The following SMARCAD1 variants were observed in gnomAD, a reference collection of about 807,000 sequenced individuals.
SMARCAD1 encodes the protein SNF2 related chromatin remodeling ATPase with DExD box 1, also known as SWI/SNF-related matrix-associated actin-dependent regulator of chromatin subfamily A containing DEAD/H box 1.
SMARCAD1 carries 25 observed loss-of-function variants against 127.1 expected under a neutral mutation model. The observed-to-expected ratio is 0.20, with a 90% CI of 0.14 to 0.27. SMARCAD1 has a LOEUF of 0.27. Among genes scored for constraint, SMARCAD1 ranks in the 10% least tolerant of loss-of-function variants. The pLI, the probability that SMARCAD1 is intolerant of heterozygous loss-of-function variation, is 1.00. For synonymous variants in SMARCAD1, 400 were observed against 396.9 expected, an observed-to-expected ratio of 1.01 and a Z score of -0.09; for missense variants, 807 against 1,206.0, an observed-to-expected ratio of 0.67 and a Z score of 4.90.
chr4:94,267,052 A>G (rs1314602406), intron 10 of SMARCAD1, among the ~76,000 whole-genome samples: 1 of 148,028 alleles, frequency 6.8e-6, no homozygotes, highest in African/African-American at 2.5e-5. Flanking sequence ...CTAAAGCTTT[A>G]GTTAATTAAT....
intron 2 of SMARCAD1, among the ~76,000 whole-genome samples, chr4:94,220,380 T>C (rs1371691641): frequency 6.6e-6 from 1 of 152,170 alleles, no homozygotes; most frequent in Non-Finnish European, 1.5e-5. Flanking sequence ...CCCTAGTAGC[T>C]GGGACTACAG....
chr4:94,210,137 TC>T (rs1393907880), intron 2 of SMARCAD1, among the ~76,000 whole-genome samples: 2 of 152,236 alleles, frequency 1.3e-5, no homozygotes, highest in Non-Finnish European at 1.5e-5. Context: ...TGTTTTTATT[TC>T]TTTCTAATGA....
chr4:94,242,926 A>G (rs1418932791), intron 6 of SMARCAD1, among the ~76,000 whole-genome samples: 1 of 151,946 alleles, frequency 6.6e-6, no homozygotes, highest in African/African-American at 2.4e-5. Context: ...CAACATACAA[A>G]TGAAGTTTAA....
At chr4:94,216,273 G>A (rs951077839) in intron 2 of SMARCAD1, among the ~76,000 whole-genome samples, 1 of 151,990 alleles carries the variant, frequency 6.6e-6, no homozygotes, top group South Asian at 2.1e-4. Context: ...TCAACATACC[G>A]TTTTGGGGAG....
chr4:94,249,935 CTTGTT>C (rs1749029630), intron 7 of SMARCAD1, among the ~76,000 whole-genome samples, 180 bp downstream of exon 7: 1 of 151,342 alleles, frequency 6.6e-6, no homozygotes, highest in African/African-American at 2.4e-5. Context: ...GTTTATTTAC[CTTGTT>C]TACTATAGTA....
At chr4:94,225,753 T>A (rs1305788590) in intron 2 of SMARCAD1, among the ~76,000 whole-genome samples, 1 of 152,190 alleles carries the variant, frequency 6.6e-6, no homozygotes, top group East Asian at 1.9e-4. Context: ...AAATTAAGGC[T>A]TAGAGAAATT....
At chr4:94,262,808 TGTGTTTCCCA>T (rs1751193699) in intron 9 of SMARCAD1, among the ~76,000 whole-genome samples, 3 of 151,776 alleles carry the variant, frequency 2.0e-5, no homozygotes. Flanking sequence ...AATTGTTACT[TGTGTTTCCCA>T]ATGTTCGTAG....
At position 94,208,576 on chromosome 4, in the gene SMARCAD1, A is replaced by G. The variant is rs745419051; in HGVS notation, c.182A>G (p.Glu61Gly). ...AACACTCCTGATTCAGATATAACTG[A>G]AAAAACAGGTGAGTTACAATGTTAA... The part of the protein sequence containing the change: ...RANTPDSDIT[E>G]KTEDSSVPET... The change falls in exon 2 of 24, where the codon GAA becomes GGA. Residue 61 changes from glutamate to glycine, a missense_variant. This residue lies in a region of SMARCAD1 where 175 missense variants were observed against 169.5 expected (regional missense o/e 1.03). Transcript: ENST00000354268. The G allele has an allele frequency of 3.7e-6, 6 of 1,613,980 alleles. No individual in the cohort carries two copies. The highest frequency in any genetic ancestry group is 2.2e-5 in the East Asian group (1 of 44,880).
intron 3 of SMARCAD1, among the ~76,000 whole-genome samples, chr4:94,231,752 A>G (rs917892255): frequency 1.3e-5 from 2 of 152,008 alleles, no homozygotes; most frequent in East Asian, 1.9e-4. Context: ...CAAGATCTAA[A>G]TTACATTTGG....
At position 94,283,317 on chromosome 4, in the gene SMARCAD1, G is replaced by A. The variant is rs1754366317; in HGVS notation, c.2909+14G>A. ...AGGCCAGACTAAGTAAGTGTTTTTA[G>A]TTGGAATGTATTTTTAATTCAGTGC... On this transcript the variant is annotated intron_variant, in intron 22 of 23. Transcript: ENST00000354268. 1.2e-6 allele frequency: 2 copies of A among 1,609,780 alleles called. No homozygotes were observed. The highest frequency in any genetic ancestry group is 2.0e-4 in the Middle Eastern group (1 of 5,114).
chr4:94,273,072 C>T (rs34355273), intron 11 of SMARCAD1, among the ~76,000 whole-genome samples: 2 of 152,180 alleles, frequency 1.3e-5, no homozygotes, highest in African/African-American at 2.4e-5. Flanking sequence ...TCCCCAAGTT[C>T]TGGGATTACA....
intron 5 of SMARCAD1, among the ~76,000 whole-genome samples, chr4:94,239,120 C>T (rs920546564): frequency 3.3e-5 from 5 of 152,094 alleles, no homozygotes; most frequent in Admixed American, 6.5e-5. Flanking sequence ...CATCATGGAA[C>T]GGACAGAACA....
chr4:94,242,147 C>T (rs936250273), intron 6 of SMARCAD1, among the ~76,000 whole-genome samples: 3 of 152,150 alleles, frequency 2.0e-5, no homozygotes, highest in East Asian at 1.9e-4. Flanking sequence ...AATTCTCGCA[C>T]CTCAGCCTCC....
At chr4:94,258,337 CA>C (rs1411618652) in intron 9 of SMARCAD1, among the ~76,000 whole-genome samples, 1 of 151,718 alleles carries the variant, frequency 6.6e-6, no homozygotes, top group Admixed American at 6.6e-5. Flanking sequence ...GTATTTTTAG[CA>C]GAGACGGAGT....
At chr4:94,254,513 T>C (rs1579219226) in intron 9 of SMARCAD1, among the ~76,000 whole-genome samples, 1 of 152,276 alleles carries the variant, frequency 6.6e-6, no homozygotes, top group Non-Finnish European at 1.5e-5. Flanking sequence ...TTAAAAAATA[T>C]TCAGCAACTT....
rs1258974023 is a variant in SMARCAD1 at position 94,278,942 on chromosome 4, A to C, written c.2310A>C (p.Glu770Asp). 6.2e-7 allele frequency: 1 copy of C among 1,613,920 alleles called. No individual in the cohort carries two copies. Among genetic ancestry groups the C allele is most frequent in the Non-Finnish European group, 8.5e-7 (1 of 1,179,944 alleles). Residue 770 changes from glutamate to aspartate, a missense_variant, in exon 19 of 24, where the codon GAA (glutamate) becomes GAC (aspartate). By Grantham distance (45) the Glu-to-Asp change is conservative. Coordinates refer to ENST00000354268, the MANE Select transcript of SMARCAD1 (RefSeq NM_020159.5). Reference sequence around the variant, plus strand: ...TTTGAGTCACAGAAAAAAACACAGAAATGTGCAATGTCATGATGCAGTTGA... The same window carrying C: ...TTTGAGTCACAGAAAAAAACACAGACATGTGCAATGTCATGATGCAGTTGA... ...KSINNLEKNT[E>D]MCNVMMQLRK...
Position 94,210,372 on chromosome 4 carries a change from C to T in SMARCAD1, c.190+1788C>T, listed in dbSNP as rs1169307296. On this transcript the variant is annotated intron_variant, in intron 2 of 23. Transcript: ENST00000354268. ...TGTGAATTTTGGAGAATCTTGAAAA[C>T]TGAGAAGTTTAGATTTTACATTGTA... Among the ~76,000 whole-genome samples, 6 of 152,140 alleles carry T rather than the reference C, an allele frequency of 3.9e-5. No homozygotes were observed. The East Asian group carries it at 1.2e-3, about 29-fold the overall frequency.
intron 2 of SMARCAD1, among the ~76,000 whole-genome samples, chr4:94,211,634 G>A (rs1560507220): frequency 6.6e-6 from 1 of 152,106 alleles, no homozygotes; most frequent in African/African-American, 2.4e-5. Flanking sequence ...GACTAATCCT[G>A]TTATTTTATC....
intron 5 of SMARCAD1, among the ~76,000 whole-genome samples, chr4:94,239,230 A>G (rs2125877448): frequency 6.6e-6 from 1 of 152,310 alleles, no homozygotes; most frequent in African/African-American, 2.4e-5. Flanking sequence ...TCTTCAGTAT[A>G]CTATGTTATT....
Sources: gnomAD v4.1 joint callset for allele counts (sites outside exome capture counted in the v4.1 genomes callset) on GRCh38, gnomAD v4.1.1 for gene constraint, gnomAD v4.1.1 regional missense constraint, MANE v1.5 for transcripts, NCBI Gene and HGNC (gene_info 2026-07-23, HGNC 2026-07-21) for gene names.